GPC5: variants seen among roughly 807,000 people sequenced by gnomAD.
The protein encoded by GPC5 is glypican-5.
Under a neutral mutation model 53.9 loss-of-function variants are expected in GPC5, and 47 were observed. The observed-to-expected ratio is 0.87, with a 90% CI of 0.69 to 1.11. The LOEUF is 1.11. Among genes scored for constraint, GPC5 ranks in the 50% most tolerant of loss-of-function variants. The pLI, the probability that GPC5 is intolerant of heterozygous loss-of-function variation, is 0.00. For missense variants in GPC5, 748 were observed against 713.1 expected, an observed-to-expected ratio of 1.05 and a Z score of -0.56; for synonymous variants, 286 against 263.3, an observed-to-expected ratio of 1.09 and a Z score of -0.84.
intron 2 of GPC5, among the ~76,000 whole-genome samples, chr13:91,504,621 A>G (rs926368791): frequency 6.6e-5 from 10 of 152,180 alleles, no homozygotes; most frequent in African/African-American, 2.2e-4. Context: ...AGGAATTAAT[A>G]TAACCTTAAA....
intron 7 of GPC5, among the ~76,000 whole-genome samples, chr13:92,670,892 C>CT (rs1007376114): frequency 6.6e-6 from 1 of 152,146 alleles, no homozygotes; most frequent in Middle Eastern, 3.2e-3. Flanking sequence ...AACATGACTA[C>CT]TTTTTGTGGC....
chr13:91,467,940 G>T (rs370449875), intron 2 of GPC5, among the ~76,000 whole-genome samples: 6 of 152,104 alleles, frequency 3.9e-5, no homozygotes, highest in African/African-American at 1.4e-4. Context: ...GATTGGCCAG[G>T]TTTACTGCAG....
chr13:92,040,260 G>C (rs924920570), intron 6 of GPC5, among the ~76,000 whole-genome samples: 1 of 152,128 alleles, frequency 6.6e-6, no homozygotes, highest in Non-Finnish European at 1.5e-5. Flanking sequence ...CCAGTCTCTG[G>C]TTTCCTCTCT....
intron 7 of GPC5, among the ~76,000 whole-genome samples, chr13:92,624,322 G>A (rs1286288057): frequency 3.9e-5 from 6 of 151,974 alleles, no homozygotes; most frequent in African/African-American, 1.5e-4. Context: ...CAGCTGCCTC[G>A]GCCTCCCAAA....
intron 6 of GPC5, among the ~76,000 whole-genome samples, chr13:92,060,844 C>G (rs1447396669): frequency 1.3e-5 from 2 of 152,010 alleles, no homozygotes; most frequent in African/African-American, 4.8e-5. Flanking sequence ...CTTAATACAG[C>G]CTAAGTTGTC....
chr13:92,777,860 A>C (rs986338718), intron 7 of GPC5, among the ~76,000 whole-genome samples: 5 of 152,172 alleles, frequency 3.3e-5, no homozygotes, highest in African/African-American at 1.2e-4. Context: ...CAGGGATTAC[A>C]CTCTGATATT....
chr13:91,969,833 G>A (rs1259610241), intron 6 of GPC5, among the ~76,000 whole-genome samples: 7 of 152,116 alleles, frequency 4.6e-5, no homozygotes, highest in African/African-American at 1.7e-4. Context: ...CATTGGTTGG[G>A]ATATCTGTTG....
Position 92,291,829 on chromosome 13 carries a change from G to T in GPC5, c.1561+146840G>T, listed in dbSNP as rs183162092. ...CCGGGAGGAACGAACAACTCCAGAC[G>T]CACTGCCTTAAGAGCTGTAACACTC... is the stretch of plus-strand genomic sequence containing the variant. On this transcript the variant is annotated intron_variant, in intron 7 of 7. Coordinates refer to ENST00000377067, the MANE Select transcript of GPC5 (RefSeq NM_004466.6). 5.4e-3 allele frequency among the ~76,000 whole-genome samples: 815 copies of T among 152,018 alleles called. 8 individuals carry two copies. The highest frequency in any genetic ancestry group is 0.017 in the African/African-American group (722 of 41,450).
At chr13:91,920,906 A>ATCTCTC (rs760550410) in intron 6 of GPC5, among the ~76,000 whole-genome samples, 8 of 63,132 alleles carry the variant, frequency 1.3e-4, no homozygotes, top group Non-Finnish European at 2.1e-4. Flanking sequence ...CTTTTTTTAA[A>ATCTCTC]TCTCTCTCTC....
intron 5 of GPC5, among the ~76,000 whole-genome samples, chr13:91,813,965 C>T (rs1441374970): frequency 9.4e-6 from 1 of 106,144 alleles, no homozygotes; most frequent in Non-Finnish European, 1.7e-5. Flanking sequence ...CAGAGTATTG[C>T]TCTGTCACCC....
At chr13:92,514,263 T>G (rs1032569781) in intron 7 of GPC5, among the ~76,000 whole-genome samples, 2 of 151,878 alleles carry the variant, frequency 1.3e-5, no homozygotes, top group Non-Finnish European at 2.9e-5. Flanking sequence ...ACTGTTTTCA[T>G]GTCAGGGATA....
chr13:92,684,596 T>C (rs557097460), intron 7 of GPC5, among the ~76,000 whole-genome samples: 8 of 152,282 alleles, frequency 5.3e-5, no homozygotes, highest in African/African-American at 1.4e-4. Flanking sequence ...TAGCACTGAA[T>C]AATATTCCAT....
At chr13:92,512,296 C>A (rs1406429234) in intron 7 of GPC5, among the ~76,000 whole-genome samples, 3 of 152,034 alleles carry the variant, frequency 2.0e-5, no homozygotes, top group Non-Finnish European at 2.9e-5. Context: ...CATGGTAACA[C>A]ATATTTTTTA....
chr13:91,846,083 G>C (rs2038845522), intron 5 of GPC5, among the ~76,000 whole-genome samples: 1 of 151,928 alleles, frequency 6.6e-6, no homozygotes, highest in South Asian at 2.1e-4. Context: ...TGAACATATG[G>C]GACACTTTCT....
intron 2 of GPC5, among the ~76,000 whole-genome samples, chr13:91,637,898 C>T (rs994124479): frequency 7.2e-5 from 11 of 152,338 alleles, no homozygotes; most frequent in East Asian, 1.9e-4. Flanking sequence ...CTCTGTGAAG[C>T]GGGCTGTCAG....
intron 7 of GPC5, among the ~76,000 whole-genome samples, chr13:92,698,573 C>T (rs1041550651): frequency 6.6e-6 from 1 of 152,096 alleles, no homozygotes; most frequent in Non-Finnish European, 1.5e-5. Flanking sequence ...TCATTTTGAA[C>T]ATTCGGGTTG....
At chr13:91,756,165 ATATTC>A in intron 4 of GPC5, 125 bp from the exon 5 acceptor site, 2 of 546,382 alleles carry the variant, frequency 3.7e-6, no homozygotes. Flanking sequence ...GTAAAAAATT[ATATTC>A]TAAACATTAT....
At position 91,964,273 on chromosome 13, in the gene GPC5, C is replaced by T. The variant is rs552753126; in HGVS notation, c.1401+56216C>T. On this transcript the variant is annotated intron_variant, in intron 6 of 7. Transcript: ENST00000377067. ...GCAAACAGTGAAAGAACAAAGCCTC[C>T]AAAGGGTGGAAAGAGACCCCAGCAG... 4.6e-4 allele frequency among the ~76,000 whole-genome samples: 70 copies of T among 152,266 alleles called. 1 individual carries two copies. The South Asian group carries it at 0.013, about 29-fold the overall frequency.
intron 5 of GPC5, among the ~76,000 whole-genome samples, chr13:91,882,671 T>TTTG (rs139148595): frequency 8.6e-4 from 1 of 1,168 alleles, no homozygotes; most frequent in East Asian, 0.062. Context: ...GTTTTTTGGG[T>TTTG]TTTTTTTTTT....
Sources: gnomAD v4.1 joint callset for allele counts (sites outside exome capture counted in the v4.1 genomes callset) on GRCh38, gnomAD v4.1.1 for gene constraint, MANE v1.5 for transcripts, NCBI Gene and HGNC (gene_info 2026-07-23, HGNC 2026-07-21) for gene names.